TMIGD3: variants seen among roughly 807,000 people sequenced by gnomAD.
TMIGD3 encodes AD026 protein (AD026).
A neutral mutation model predicts 28.1 loss-of-function variants in TMIGD3; 21 were observed. The ratio of observed to expected loss-of-function variants is 0.75; its 90% confidence interval spans 0.53 to 1.08. The LOEUF (loss-of-function observed/expected upper bound fraction) is 1.08, where lower values mean the gene tolerates loss of function less well. Among genes scored for constraint, TMIGD3 ranks in the 50% least tolerant of loss-of-function variants. The probability of loss-of-function intolerance (pLI) is 0.00; values close to 1 mark genes in which losing one functional copy is unlikely to be tolerated. For missense variants in TMIGD3, 416 were observed against 435.6 expected, an observed-to-expected ratio of 0.96 and a Z score of 0.40; for synonymous variants, 151 against 162.1, an observed-to-expected ratio of 0.93 and a Z score of 0.52.
At chr1:111,553,080 T>G (rs1476950778) in intron 1 of TMIGD3, among the ~76,000 whole-genome samples, 2 of 152,242 alleles carry the variant, frequency 1.3e-5, no homozygotes, top group African/African-American at 4.8e-5. Context: ...TCAGATGACT[T>G]CTGCTGGGAA....
intron 1 of TMIGD3, among the ~76,000 whole-genome samples, chr1:111,530,719 GT>G (rs199931269): frequency 6.6e-6 from 1 of 151,822 alleles, no homozygotes; most frequent in Non-Finnish European, 1.5e-5. Flanking sequence ...TAATGTAGGG[GT>G]TTTTTTTCTG....
At chr1:111,557,901 A>T (rs564262139) in intron 1 of TMIGD3, among the ~76,000 whole-genome samples, 95 of 152,336 alleles carry the variant, frequency 6.2e-4, no homozygotes, top group African/African-American at 2.2e-3. Flanking sequence ...TTAGAAGAGA[A>T]ATGTATCAAA....
chr1:111,532,525 C>G (rs748821728), intron 1 of TMIGD3, among the ~76,000 whole-genome samples: 2 of 152,144 alleles, frequency 1.3e-5, no homozygotes, highest in Admixed American at 6.5e-5. Flanking sequence ...TGCAGTGGCT[C>G]ACACCTGTAA....
intron 1 of TMIGD3, among the ~76,000 whole-genome samples, chr1:111,546,958 G>C (rs944740670): frequency 1.3e-5 from 2 of 152,042 alleles, no homozygotes; most frequent in Admixed American, 1.3e-4. Flanking sequence ...TTTTGTTTTG[G>C]TTTTTAATAA....
At chr1:111,529,623 G>A (rs886247059) in intron 1 of TMIGD3, among the ~76,000 whole-genome samples, 3 of 149,976 alleles carry the variant, frequency 2.0e-5, no homozygotes, top group East Asian at 1.9e-4. Context: ...ATCTTGCACC[G>A]CCCTTAATCC....
intron 1 of TMIGD3, among the ~76,000 whole-genome samples, chr1:111,502,226 TAATG>T (rs1300222578): frequency 3.1e-5 from 1 of 32,220 alleles, no homozygotes; most frequent in Admixed American, 4.9e-4. Flanking sequence ...ATATTTATTA[TAATG>T]AATATATAGG....
chr1:111,487,107 ACCCAACGGGAG>A (rs1654414575), intron 3 of TMIGD3, among the ~76,000 whole-genome samples: 1 of 152,142 alleles, frequency 6.6e-6, no homozygotes, highest in South Asian at 2.1e-4. Context: ...AGCCACCAAA[ACCCAACGGGAG>A]CAGTGGCACC....
intron 1 of TMIGD3, among the ~76,000 whole-genome samples, chr1:111,528,776 A>C (rs1196516358): frequency 6.6e-6 from 1 of 152,152 alleles, no homozygotes; most frequent in Non-Finnish European, 1.5e-5. Context: ...TGGGGATGAT[A>C]ATATAAATAG....
chr1:111,520,993 G>T (rs1295048413), intron 1 of TMIGD3, among the ~76,000 whole-genome samples: 1 of 152,088 alleles, frequency 6.6e-6, no homozygotes, highest in Non-Finnish European at 1.5e-5. Flanking sequence ...ATGCCTCTTT[G>T]TAATCCCTCC....
rs1571447481 is a variant in TMIGD3 at position 111,538,965 on chromosome 1, A to G, written c.107+24881T>C. Among the ~76,000 whole-genome samples the G allele has an allele frequency of 4.0e-5, 6 of 151,716 alleles. 2 individuals are homozygous for G. Among genetic ancestry groups the G allele is most frequent in the Admixed American group, 3.9e-4 (6 of 15,256 alleles). On this transcript the variant is annotated intron_variant, in intron 1 of 5. Transcript: ENST00000369717. Reference sequence around the variant, plus strand: ...AAGCATTCGTATATTCTACACCCCCAATGGGCCTGATCCCCAGGACCTACA... The same window carrying G: ...AAGCATTCGTATATTCTACACCCCCGATGGGCCTGATCCCCAGGACCTACA...
At chr1:111,554,031 G>T (rs976559887) in intron 1 of TMIGD3, among the ~76,000 whole-genome samples, 3 of 152,244 alleles carry the variant, frequency 2.0e-5, no homozygotes, top group African/African-American at 7.2e-5. Flanking sequence ...TGACTGATTG[G>T]AATGGTTACG....
chr1:111,520,836 C>T (rs1335841128), intron 1 of TMIGD3, among the ~76,000 whole-genome samples: 1 of 152,104 alleles, frequency 6.6e-6, no homozygotes, highest in African/African-American at 2.4e-5. Flanking sequence ...TATTTTATAC[C>T]TTTATTGAAG....
chr1:111,542,270 A>G, intron 1 of TMIGD3: 1 of 603,954 alleles, frequency 1.7e-6, no homozygotes, highest in South Asian at 1.4e-5. Context: ...GCCGTATTTC[A>G]GGATCAGACC....
At chr1:111,503,776 G>C, upstream of TMIGD3, 1 of 1,017,942 alleles carries the variant, frequency 9.8e-7, no homozygotes. Context: ...CCAAGAGGAA[G>C]TACAGAGCTC....
chr1:111,538,199 G>C (rs1305513180), intron 1 of TMIGD3, among the ~76,000 whole-genome samples: 1 of 152,118 alleles, frequency 6.6e-6, no homozygotes, highest in South Asian at 2.1e-4. Flanking sequence ...TCTGGAATTG[G>C]ATCTCATATC....
chr1:111,488,954 G>T lies in TMIGD3; in HGVS notation c.528C>A (p.Tyr176Ter). ...TGGGGTGATTCTTGTAGTGGGCATT[G>T]TAGTTGCAGATGGCAGAAGCCGTGT... is the stretch of plus-strand genomic sequence containing the variant. ...VLDTASAICN[Y>*]NAHYKNHPKY... Residue 176 changes from tyrosine (Y) to a stop codon, truncating the protein, a stop_gained, in exon 3 of 6, where the codon TAC becomes TAA. Coordinates refer to ENST00000369716, the MANE Select transcript of TMIGD3 (RefSeq NM_020683.7). LOFTEE classifies it high-confidence loss of function. 4.3e-6 allele frequency: 7 copies of T among 1,614,198 alleles called. No homozygotes were observed. Among genetic ancestry groups the T allele is most frequent in the Non-Finnish European group, 5.1e-6 (6 of 1,180,042 alleles).
chr1:111,495,617 C>T (rs1203913019), intron 1 of TMIGD3, among the ~76,000 whole-genome samples: 1 of 152,132 alleles, frequency 6.6e-6, no homozygotes, highest in Non-Finnish European at 1.5e-5. Context: ...ATGGCAATTC[C>T]TCAAAGAGCT....
At chr1:111,524,438 C>T (rs991623424) in intron 1 of TMIGD3, among the ~76,000 whole-genome samples, 3 of 152,176 alleles carry the variant, frequency 2.0e-5, no homozygotes, top group Non-Finnish European at 4.4e-5. Flanking sequence ...TTTTCTACCA[C>T]ACTGGGTGAA....
At chr1:111,509,872 G>GA (rs1310193873) in intron 1 of TMIGD3, among the ~76,000 whole-genome samples, 1 of 152,240 alleles carries the variant, frequency 6.6e-6, no homozygotes. Flanking sequence ...TTCACAGATA[G>GA]AAAACTAAGG....
Sources: allele counts gnomAD v4.1 joint callset (sites outside exome capture counted in the v4.1 genomes callset), GRCh38; gene constraint gnomAD v4.1.1; transcripts MANE v1.5; gene names NCBI Gene and HGNC (gene_info 2026-07-23, HGNC 2026-07-21).